Variants in NCOA2 observed in about 807,000 individuals in gnomAD.
NCOA2 encodes class E basic helix-loop-helix protein 75.
In NCOA2, 21 loss-of-function variants were observed where a neutral mutation model predicts 145.1. The observed-to-expected ratio is 0.14, with a 90% CI of 0.10 to 0.21. The LOEUF is 0.21. NCOA2 is among the 10% of genes least tolerant of loss of function. NCOA2 has a pLI of 1.00. For missense variants in NCOA2, 1,472 were observed against 1,837.6 expected (o/e 0.80, Z 3.64); for synonymous variants, 619 against 637.5 (o/e 0.97, Z 0.44).
the NCOA2 span, among the ~76,000 whole-genome samples, chr8:70,446,616 T>C: frequency 0.14 from 20,702 of 152,190 alleles, 1,531 homozygotes; most frequent in Middle Eastern, 0.22. Flanking sequence ...TCCCTATTTT[T>C]TTCCCTCCCT....
At chr8:70,171,112 T>C (rs950266029) in intron 5 of NCOA2, among the ~76,000 whole-genome samples, 1 of 152,208 alleles carries the variant, frequency 6.6e-6, no homozygotes, top group African/African-American at 2.4e-5. Context: ...CAAATAACAG[T>C]AGCACGCTTC....
At chr8:70,355,330 A>G (rs1809585246) in intron 1 of NCOA2, among the ~76,000 whole-genome samples, 1 of 152,214 alleles carries the variant, frequency 6.6e-6, no homozygotes, top group South Asian at 2.1e-4. Flanking sequence ...CCTTCAAGCC[A>G]GAATATCTCG....
chr8:70,173,635 G>A (rs181314757), intron 5 of NCOA2, among the ~76,000 whole-genome samples: 20 of 152,216 alleles, frequency 1.3e-4, no homozygotes, highest in Non-Finnish European at 2.5e-4. Flanking sequence ...AGTGATTCTA[G>A]AGGAGATAAG....
the NCOA2 span, among the ~76,000 whole-genome samples, chr8:70,410,813 C>T: frequency 6.6e-6 from 1 of 152,124 alleles, no homozygotes; most frequent in Non-Finnish European, 1.5e-5. Context: ...CGGGTGCATT[C>T]TGTACAATTG....
intron 2 of NCOA2, among the ~76,000 whole-genome samples, chr8:70,272,066 C>G (rs1180017243): frequency 2.6e-5 from 4 of 152,232 alleles, no homozygotes; most frequent in Non-Finnish European, 5.9e-5. Flanking sequence ...TGATTTCCAA[C>G]TTACAGAAAT....
chr8:70,323,426 C>T (rs1360259147), intron 1 of NCOA2, among the ~76,000 whole-genome samples: 1 of 151,962 alleles, frequency 6.6e-6, no homozygotes, highest in East Asian at 1.9e-4. Context: ...CGAGAAAGCA[C>T]ACGAACACAG....
At position 70,296,249 on chromosome 8, in the gene NCOA2, T is replaced by G. The variant is rs148542230; in HGVS notation, c.-20+495A>C. Among the ~76,000 whole-genome samples, 85 of 152,290 alleles carry G rather than the reference T, an allele frequency of 5.6e-4. 3 individuals carry two copies. In the East Asian group the frequency reaches 0.015, roughly 27 times the overall value. On this transcript the variant is annotated intron_variant, in intron 2 of 22. Transcript: ENST00000452400. ...TTTCAGCTGTGTGATACGGAGTGCT[T>G]GAGAAGCTATTTTACACAGGTTGGA...
At chr8:70,419,330 T>C in the NCOA2 span, among the ~76,000 whole-genome samples, 71 of 152,238 alleles carry the variant, frequency 4.7e-4, 1 homozygote, top group South Asian at 0.014. Context: ...TTATATAGCA[T>C]GTTTTAAATA....
intron 2 of NCOA2, among the ~76,000 whole-genome samples, chr8:70,270,141 C>A (rs1330875933): frequency 6.6e-6 from 1 of 151,372 alleles, no homozygotes; most frequent in Non-Finnish European, 1.5e-5. Context: ...GTGATCTCAC[C>A]ACTGCACTCC....
At chr8:70,229,266 A>G (rs1435511808) in intron 2 of NCOA2, among the ~76,000 whole-genome samples, 1 of 152,246 alleles carries the variant, frequency 6.6e-6, no homozygotes, top group Non-Finnish European at 1.5e-5. Flanking sequence ...TCACTGAGTA[A>G]ATAACAGAAT....
chr8:70,179,898 T>C (rs1339905695), intron 4 of NCOA2, among the ~76,000 whole-genome samples: 1 of 152,210 alleles, frequency 6.6e-6, no homozygotes, highest in Non-Finnish European at 1.5e-5. Context: ...CATTATTTCT[T>C]CCTGCTACGC....
At chr8:70,162,292 T>C (rs1294084810) in intron 9 of NCOA2, among the ~76,000 whole-genome samples, 1 of 152,244 alleles carries the variant, frequency 6.6e-6, no homozygotes, top group Non-Finnish European at 1.5e-5. Context: ...ATAGTCTTTG[T>C]TGGTTACCAC....
the NCOA2 span, among the ~76,000 whole-genome samples, chr8:70,441,060 AG>A: frequency 7.3e-6 from 1 of 136,658 alleles, no homozygotes; most frequent in African/African-American, 2.8e-5. Flanking sequence ...AAAGAAAGAG[AG>A]AAAGAAAGAA....
At chr8:70,338,020 C>G (rs912464555) in intron 1 of NCOA2, among the ~76,000 whole-genome samples, 2 of 151,876 alleles carry the variant, frequency 1.3e-5, no homozygotes, top group Admixed American at 1.3e-4. Context: ...ACCATCACAA[C>G]TAAAAGAACT....
At chr8:70,196,367 CTG>C (rs1255969705) in intron 4 of NCOA2, among the ~76,000 whole-genome samples, 2 of 152,164 alleles carry the variant, frequency 1.3e-5, no homozygotes, top group Admixed American at 1.3e-4. Context: ...CAGGGCTAGA[CTG>C]TGTCTCAAAA....
chr8:70,432,097 G>T, the NCOA2 span, among the ~76,000 whole-genome samples: 4 of 152,204 alleles, frequency 2.6e-5, no homozygotes, highest in Non-Finnish European at 5.9e-5. Flanking sequence ...TGATTATATG[G>T]ATGAGTCCTA....
rs1813650008 is a variant in NCOA2 at position 70,166,657 on chromosome 8, C to T, written c.639G>A (p.Glu213=). 1 of 1,613,996 alleles carries T rather than the reference C, an allele frequency of 6.2e-7. No individual in the cohort carries two copies. The highest frequency in any genetic ancestry group is 1.3e-5 in the African/African-American group (1 of 75,058). Residue 213 remains glutamate (E), a synonymous_variant, in exon 7 of 23, where the codon GAG becomes GAA. Transcript: ENST00000452400. ...GATGAGCTTCCTGGTTATCATGACC[C>T]TCCTCTTCTGAATCAGGTAAAGGTT... ...LVKPLPDSEE[E]GHDNQEAHQK...
chr8:70,213,826 G>A lies in NCOA2; in HGVS notation c.259+77C>T, dbSNP rs944472274. 26 of 1,177,266 alleles carry A rather than the reference G, an allele frequency of 2.2e-5. No individual in the cohort carries two copies. In the African/African-American group the frequency reaches 3.6e-4, roughly 16 times the overall value. 72.9% of individuals were successfully genotyped at this position (1,177,266 alleles called of 1,614,324 possible). A position where few individuals can be genotyped will look rare whatever the true frequency, so the allele number is the denominator to read the frequency against. ...TTAAGCATAAGAAATGGATTAAAGG[G>A]ACTCTGAAGGGACTTCTCACACAGG... On this transcript the variant is annotated intron_variant, in intron 4 of 22. Transcript: ENST00000452400.
rs1274132326 is a variant in NCOA2 at position 70,155,999 on chromosome 8, T to C, written c.2366A>G (p.Glu789Gly). ...TKLIAMKTEKEEMSFEPGDQP... is the reference protein window; with the variant it reads ...TKLIAMKTEKGEMSFEPGDQP... The stretch of plus-strand genomic sequence containing the variant: ...GTCACCAGGCTCAAAGCTCATCTCC[T>C]CCTTCTCAGTTTTCATTGCTATTAA... The change falls in exon 11 of 23, where the codon GAG (glutamate) becomes GGG (glycine). Residue 789 changes from glutamate (E) to glycine (G), a missense_variant. By Grantham distance (98) the Glu-to-Gly change is moderately conservative. Transcript: ENST00000452400. The C allele has an allele frequency of 6.3e-7, 1 of 1,593,010 alleles. No individual in the cohort carries two copies. Among genetic ancestry groups the C allele is most frequent in the South Asian group, 1.1e-5 (1 of 87,022 alleles).
Sources: allele counts gnomAD v4.1 joint callset (sites outside exome capture counted in the v4.1 genomes callset), GRCh38; gene constraint gnomAD v4.1.1; transcripts MANE v1.5; gene names NCBI Gene and HGNC (gene_info 2026-07-23, HGNC 2026-07-21).